LGI2: variants seen among roughly 807,000 people sequenced by gnomAD.
LGI2 encodes the protein leucine-rich repeat LGI family member 2.
Under a neutral mutation model 52.0 loss-of-function variants are expected in LGI2, and 30 were observed. The ratio of observed to expected loss-of-function variants is 0.58; its 90% CI spans 0.43 to 0.78. The LOEUF (loss-of-function observed/expected upper bound fraction) is 0.78, where lower values mean the gene tolerates loss of function less well. LGI2 is among the 30% of genes least tolerant of loss of function. LGI2 has a pLI of 0.00. For synonymous variants in LGI2, 270 were observed against 271.8 expected, an observed-to-expected ratio of 0.99 and a Z score of 0.06; for missense variants, 573 against 692.5, an observed-to-expected ratio of 0.83 and a Z score of 1.94.
At chr4:25,008,359 C>T (rs989686196) in intron 7 of LGI2, among the ~76,000 whole-genome samples, 8 of 151,964 alleles carry the variant, frequency 5.3e-5, no homozygotes, top group Non-Finnish European at 1.0e-4. Flanking sequence ...TCAAGAACTC[C>T]AAGGCCAACA....
rs756107035 is a variant in LGI2 at position 25,004,260 on chromosome 4, T to G, written c.829A>C (p.Ile277Leu). The G allele has an allele frequency of 6.2e-7, 1 of 1,611,590 alleles. No homozygotes were observed. Among genetic ancestry groups the G allele is most frequent in the East Asian group, 2.2e-5 (1 of 44,868 alleles). ...RSYDNITGQS[I>L]VGCKAILIDD... ...ATGAGAATGGCCTTACAGCCCACGA[T>G]GGACTGACCTGTGCTCCAAAATAAA... Residue 277 changes from isoleucine (I) to leucine (L), a missense_variant, in exon 8 of 8, where the codon ATC (isoleucine) becomes CTC (leucine). Coordinates refer to ENST00000382114, the MANE Select transcript of LGI2 (RefSeq NM_018176.4). This position sits in a 1 kb window ranked among gnomAD's most constrained non-coding sequence, Gnocchi z 4.6.
rs981318516 is a variant in LGI2, at chr4:25,000,742, C to T, written c.*2709G>A. 1.3e-5 allele frequency: 2 copies of T among 152,238 alleles called. No individual in the cohort carries two copies. The highest frequency in any genetic ancestry group is 4.8e-5 in the African/African-American group (2 of 41,454). 9.4% of individuals were successfully genotyped at this position (152,238 alleles called of 1,614,324 possible). A position where few individuals can be genotyped will look rare whatever the true frequency, so the allele number is the denominator to read the frequency against. On this transcript the variant is annotated 3_prime_UTR_variant, in exon 8 of 8. Coordinates refer to ENST00000382114, the MANE Select transcript of LGI2 (RefSeq NM_018176.4). ...GGAAAGTAGAAGAAAGATCCACCCC[C>T]TCCTTCAAGCTGATCTCCACTGGGG...
At chr4:25,030,425 G>A in intron 1 of LGI2, 72 bp downstream of exon 1, 2 of 1,500,110 alleles carry the variant, frequency 1.3e-6, no homozygotes, top group Non-Finnish European at 1.8e-6. Context: ...CCCGGCGCCA[G>A]AGGCAACTCC....
Position 24,999,670 on chromosome 4 carries a change from C to T in LGI2, c.*3781G>A. Reference sequence around the variant, plus strand: ...CTCCTGCAGATCTTCATCTCACCTTCATTATACCCCAGGCCAGAGAAATTT... The same window carrying T: ...CTCCTGCAGATCTTCATCTCACCTTTATTATACCCCAGGCCAGAGAAATTT... On this transcript the variant is annotated 3_prime_UTR_variant, in exon 8 of 8. Transcript: ENST00000382114. 1 of 344,210 alleles carries T rather than the reference C, an allele frequency of 2.9e-6. No homozygotes were observed. Among genetic ancestry groups the T allele is most frequent in the Non-Finnish European group, 5.7e-6 (1 of 174,506 alleles). The allele number at this position is 344,210 out of a possible 1,614,324, so 21.3% of individuals were successfully genotyped here. A position where few individuals can be genotyped will look rare whatever the true frequency, so the allele number is the denominator to read the frequency against.
At chr4:24,996,953 C>G (rs1204276506), downstream of LGI2, among the ~76,000 whole-genome samples, 2 of 152,176 alleles carry the variant, frequency 1.3e-5, no homozygotes, top group South Asian at 2.1e-4. Context: ...TCTGGGGTAG[C>G]CTTTCCATGA....
At chr4:25,017,946 A>G (rs1725828212) in intron 6 of LGI2, 43 bp downstream of exon 6, 2 of 1,509,778 alleles carry the variant, frequency 1.3e-6, no homozygotes, top group Non-Finnish European at 1.8e-6. Context: ...AGACAAAGAG[A>G]TTATTCTAAA....
At chr4:25,022,186 G>A (rs1007033680) in intron 4 of LGI2, among the ~76,000 whole-genome samples, 1 of 152,210 alleles carries the variant, frequency 6.6e-6, no homozygotes, top group African/African-American at 2.4e-5. Context: ...TATGGCCACT[G>A]TAGACAGTAA....
At chr4:25,020,789 A>G (rs1725933303) in intron 4 of LGI2, among the ~76,000 whole-genome samples, 1 of 152,164 alleles carries the variant, frequency 6.6e-6, no homozygotes, top group Non-Finnish European at 1.5e-5. Flanking sequence ...GCCCCTTCCT[A>G]TCTAGGTGAC....
intron 7 of LGI2, among the ~76,000 whole-genome samples, chr4:25,007,468 G>A (rs1160484477): frequency 6.6e-6 from 1 of 152,064 alleles, no homozygotes; most frequent in Admixed American, 6.6e-5. Flanking sequence ...GTGTCCTAGA[G>A]GTCTGCCTGT....
intron 4 of LGI2, among the ~76,000 whole-genome samples, chr4:25,021,314 G>C (rs1355726536): frequency 6.6e-6 from 1 of 152,186 alleles, no homozygotes; most frequent in Non-Finnish European, 1.5e-5. Flanking sequence ...TCATGGGACT[G>C]CTGGAAACAA....
intron 4 of LGI2, among the ~76,000 whole-genome samples, chr4:25,019,468 C>T (rs1216258573): frequency 1.3e-5 from 2 of 151,770 alleles, no homozygotes; most frequent in East Asian, 3.9e-4. Flanking sequence ...TGTATATTTG[C>T]TCAACCTCAG....
In LGI2 at chr4:25,018,538, C is replaced by T. The variant is rs974856842; in HGVS notation, c.486-380G>A. Among the ~76,000 whole-genome samples, 10 of 152,286 alleles carry T rather than the reference C, an allele frequency of 6.6e-5. No individual in the cohort carries two copies. In the South Asian group the frequency reaches 1.9e-3, roughly 28 times the overall value. Reference sequence around the variant, plus strand: ...ATTGTAGGAAGACAGTTTTCACAAACACAATTGAAACTTCAAGCTCTTGTT... The same window carrying T: ...ATTGTAGGAAGACAGTTTTCACAAATACAATTGAAACTTCAAGCTCTTGTT... On this transcript the variant is annotated intron_variant, in intron 5 of 7. Transcript: ENST00000382114.
intron 4 of LGI2, among the ~76,000 whole-genome samples, chr4:25,020,451 C>T (rs1725919211): frequency 6.6e-6 from 1 of 152,190 alleles, no homozygotes; most frequent in Non-Finnish European, 1.5e-5. Context: ...ATGATGTACA[C>T]TGAGTTTGTG....
chr4:25,003,247 G>T lies in LGI2; in HGVS notation c.*204C>A. On this transcript the variant is annotated 3_prime_UTR_variant, in exon 8 of 8. Transcript: ENST00000382114. ...CAGGCTTTAAGATTTTTTTTTAAATGGTAGAATGGGCATGTCATGCAGTTA... is the reference window on the plus strand; with the variant it reads ...CAGGCTTTAAGATTTTTTTTTAAATTGTAGAATGGGCATGTCATGCAGTTA... The T allele has an allele frequency of 2.1e-6, 1 of 469,136 alleles. No individual in the cohort carries two copies. Among genetic ancestry groups the T allele is most frequent in the Non-Finnish European group, 3.7e-6 (1 of 269,298 alleles). The allele number at this position is 469,136 out of a possible 1,614,324, so 29.1% of individuals were successfully genotyped here.
intron 7 of LGI2, among the ~76,000 whole-genome samples, chr4:25,005,039 A>T (rs1331925773): frequency 2.6e-5 from 4 of 152,206 alleles, no homozygotes. Context: ...GCCAGTCACA[A>T]AAAGACGAAT....
rs1327589005 is a variant in LGI2, at chr4:25,012,564, T to A, written c.656-65A>T. ...CTCCTGTAGGGATTATCAACCACCA[T>A]CACCGTTCCATCATCACATCAGCTC... On this transcript the variant is annotated intron_variant, in intron 6 of 7. Transcript: ENST00000382114. The A allele has an allele frequency of 1.9e-6, 3 of 1,541,780 alleles. No individual in the cohort carries two copies. In the Admixed American group the frequency reaches 5.2e-5, roughly 27 times the overall value.
chr4:25,009,502 T>C (rs1461488574), intron 7 of LGI2, among the ~76,000 whole-genome samples: 3 of 152,226 alleles, frequency 2.0e-5, no homozygotes, highest in African/African-American at 4.8e-5. Context: ...TTTCCCCTCC[T>C]TAGCACATTT....
At chr4:25,007,852 G>T (rs1725443593) in intron 7 of LGI2, among the ~76,000 whole-genome samples, 1 of 152,146 alleles carries the variant, frequency 6.6e-6, no homozygotes, top group Non-Finnish European at 1.5e-5. Flanking sequence ...GGAAGTGCAT[G>T]GATTGAGAAA....
chr4:25,029,783 C>A (rs1726264235), intron 1 of LGI2, among the ~76,000 whole-genome samples: 1 of 152,234 alleles, frequency 6.6e-6, no homozygotes, highest in Admixed American at 6.5e-5. Flanking sequence ...GACCTCAGGG[C>A]AAGAAGGCTG....
Sources: gnomAD v4.1 joint callset for allele counts (sites outside exome capture counted in the v4.1 genomes callset) on GRCh38, gnomAD v4.1.1 for gene constraint, Gnocchi (gnomAD v3.1) non-coding constraint, MANE v1.5 for transcripts, NCBI Gene and HGNC (gene_info 2026-07-23, HGNC 2026-07-21) for gene names.